Variants in CPQ observed in about 807,000 individuals in gnomAD.
The protein encoded by CPQ is carboxypeptidase Q.
A neutral mutation model predicts 45.7 loss-of-function variants in CPQ; 37 were observed. The observed-to-expected ratio is 0.81, with a 90% CI of 0.62 to 1.07. The LOEUF (loss-of-function observed/expected upper bound fraction) is 1.07, where lower values mean the gene tolerates loss of function less well. Ranked by LOEUF, CPQ falls within the 50% of genes least tolerant of loss-of-function variation. The pLI is 0.00. For synonymous variants in CPQ, 186 were observed against 205.8 expected (o/e 0.90, Z 0.82); for missense variants, 537 against 572.9 (o/e 0.94, Z 0.64).
intron 1 of CPQ, among the ~76,000 whole-genome samples, chr8:96,753,277 A>T (rs997349336): frequency 2.0e-5 from 3 of 152,110 alleles, no homozygotes; most frequent in Non-Finnish European, 2.9e-5. Context: ...GTTGATTCTT[A>T]TACCACCATT....
intron 7 of CPQ, among the ~76,000 whole-genome samples, chr8:97,130,579 C>T (rs1811936363): frequency 4.6e-5 from 7 of 152,036 alleles, no homozygotes; most frequent in Admixed American, 3.9e-4. Flanking sequence ...ATTATATTAA[C>T]GTGGGTCAAC....
At chr8:96,665,580 A>G (rs890623399) in intron 1 of CPQ, among the ~76,000 whole-genome samples, 8 of 152,230 alleles carry the variant, frequency 5.3e-5, no homozygotes, top group Non-Finnish European at 1.0e-4. Context: ...ATATGGTTTC[A>G]AGTGAAAGTA....
rs978127631 is a variant in CPQ, at chr8:96,943,692, T to C, written c.850-22243T>C. Among the ~76,000 whole-genome samples the C allele has an allele frequency of 2.6e-5, 4 of 152,144 alleles. No individual in the cohort carries two copies. In the East Asian group the frequency reaches 7.7e-4, roughly 29 times the overall value. ...ATTTTCAAAAGAGTAGAAAAATAGA[T>C]ACCTGAAGGGCATCGTGGGGTCATA... On this transcript the variant is annotated intron_variant, in intron 4 of 7. Transcript: ENST00000220763.
intron 4 of CPQ, among the ~76,000 whole-genome samples, chr8:96,926,709 G>A (rs1812896041): frequency 6.7e-6 from 1 of 148,788 alleles, no homozygotes; most frequent in African/African-American, 2.5e-5. Context: ...TTAAGTTCTG[G>A]GGTACATGTG....
intron 7 of CPQ, among the ~76,000 whole-genome samples, chr8:97,101,913 GCTCTCTCTCT>G (rs71512450): frequency 2.5e-5 from 3 of 119,584 alleles, no homozygotes; most frequent in South Asian, 2.7e-4. Flanking sequence ...TAGATTGGTG[GCTCTCTCTCT>G]CTCTCTCTCT....
At chr8:96,935,883 C>T (rs1813040571) in intron 4 of CPQ, among the ~76,000 whole-genome samples, 1 of 152,058 alleles carries the variant, frequency 6.6e-6, no homozygotes, top group Non-Finnish European at 1.5e-5. Flanking sequence ...CACATGTAGA[C>T]AATTGTAAGT....
At chr8:96,885,068 A>G (rs1420475777) in intron 4 of CPQ, among the ~76,000 whole-genome samples, 1 of 152,164 alleles carries the variant, frequency 6.6e-6, no homozygotes, top group Non-Finnish European at 1.5e-5. Flanking sequence ...ATATCATAGA[A>G]TGGGTAATTT....
At chr8:96,968,776 C>T (rs1327072980) in intron 5 of CPQ, among the ~76,000 whole-genome samples, 2 of 152,176 alleles carry the variant, frequency 1.3e-5, no homozygotes, top group African/African-American at 4.8e-5. Context: ...TCCCCTCTCA[C>T]CACTCTTATA....
At chr8:96,863,025 ACTAGCCTT>A (rs1811947829) in intron 3 of CPQ, among the ~76,000 whole-genome samples, 1 of 152,038 alleles carries the variant, frequency 6.6e-6, no homozygotes, top group South Asian at 2.1e-4. Context: ...ACTAAATTTC[ACTAGCCTT>A]CTACATGAGA....
intron 3 of CPQ, among the ~76,000 whole-genome samples, chr8:96,842,531 TC>T (rs1179920003): frequency 6.6e-6 from 1 of 152,138 alleles, no homozygotes; most frequent in Non-Finnish European, 1.5e-5. Context: ...GCCACTGTGC[TC>T]CCAAGGGGGA....
chr8:97,105,497 G>A (rs1428135501), intron 7 of CPQ, among the ~76,000 whole-genome samples: 2 of 152,060 alleles, frequency 1.3e-5, no homozygotes, highest in African/African-American at 4.8e-5. Context: ...CTACCTTTTG[G>A]TTATTGTGAA....
intron 1 of CPQ, among the ~76,000 whole-genome samples, chr8:96,653,442 A>G (rs1177902104): frequency 6.6e-6 from 1 of 151,924 alleles, no homozygotes; most frequent in East Asian, 1.9e-4. Context: ...GAGTTGTTTG[A>G]GTTCCTTATA....
intron 1 of CPQ, among the ~76,000 whole-genome samples, chr8:96,760,508 A>G (rs572522606): frequency 2.0e-5 from 3 of 152,252 alleles, no homozygotes; most frequent in South Asian, 2.1e-4. Context: ...TTTAAGGGCT[A>G]ATGTTGATGT....
intron 2 of CPQ, among the ~76,000 whole-genome samples, chr8:96,807,532 T>C (rs2130826800): frequency 6.6e-6 from 1 of 152,232 alleles, no homozygotes; most frequent in East Asian, 1.9e-4. Context: ...CGCGCCCGGC[T>C]GAAAACTACT....
At chr8:97,086,885 A>G (rs566137689) in intron 7 of CPQ, among the ~76,000 whole-genome samples, 2 of 152,148 alleles carry the variant, frequency 1.3e-5, no homozygotes, top group South Asian at 2.1e-4. Flanking sequence ...AGTGCACTCT[A>G]TCTCTGCCAT....
intron 7 of CPQ, among the ~76,000 whole-genome samples, chr8:97,085,657 T>C (rs1811028752): frequency 6.6e-6 from 1 of 152,136 alleles, no homozygotes; most frequent in Admixed American, 6.6e-5. Context: ...GTAACATTAA[T>C]TTTTTTCATT....
intron 1 of CPQ, among the ~76,000 whole-genome samples, chr8:96,748,571 A>C (rs1228678457): frequency 1.3e-5 from 2 of 152,128 alleles, no homozygotes; most frequent in Non-Finnish European, 2.9e-5. Context: ...ATAAAAAAAA[A>C]CCAAGCACTG....
chr8:97,026,084 T>C (rs1291435173), intron 5 of CPQ, among the ~76,000 whole-genome samples: 1 of 152,176 alleles, frequency 6.6e-6, no homozygotes, highest in African/African-American at 2.4e-5. Flanking sequence ...GCATGCTGTA[T>C]AAACAAAGGT....
At chr8:96,673,530 T>A (rs146786144) in intron 1 of CPQ, among the ~76,000 whole-genome samples, 162 of 152,156 alleles carry the variant, frequency 1.1e-3, no homozygotes, top group African/African-American at 3.7e-3. Context: ...GGAAGGGGTG[T>A]GTTGTAAAGG....
Sources: gnomAD v4.1 joint callset for allele counts (sites outside exome capture counted in the v4.1 genomes callset) on GRCh38, gnomAD v4.1.1 for gene constraint, MANE v1.5 for transcripts, NCBI Gene and HGNC (gene_info 2026-07-23, HGNC 2026-07-21) for gene names.